WASL: variants seen among roughly 807,000 people sequenced by gnomAD.
The protein encoded by WASL is WASP like actin nucleation promoting factor, also known as actin nucleation-promoting factor WASL.
In WASL, 20 loss-of-function variants were observed where a neutral mutation model predicts 55.5. The observed-to-expected ratio is 0.36, with a 90% confidence interval of 0.25 to 0.52. The LOEUF is 0.52. Among genes scored for constraint, WASL ranks in the 20% least tolerant of loss-of-function variants. WASL has a pLI of 0.92. For missense variants in WASL, 504 were observed against 622.5 expected, an observed-to-expected ratio of 0.81 and a Z score of 2.03; for synonymous variants, 249 against 217.6, an observed-to-expected ratio of 1.14 and a Z score of -1.27.
chr7:123,735,745 A>C (rs979098312), intron 1 of WASL, among the ~76,000 whole-genome samples: 1 of 152,152 alleles, frequency 6.6e-6, no homozygotes, highest in Non-Finnish European at 1.5e-5. Context: ...AGAAACACAG[A>C]AAAGGAAAAA....
chr7:123,718,168 TTTTA>T (rs1423683028), intron 1 of WASL, among the ~76,000 whole-genome samples: 1 of 152,214 alleles, frequency 6.6e-6, no homozygotes, highest in African/African-American at 2.4e-5. Context: ...TTATGGCATT[TTTTA>T]TTTGTTGTGA....
intron 1 of WASL, among the ~76,000 whole-genome samples, chr7:123,734,674 T>A (rs1804196758): frequency 6.6e-6 from 1 of 151,188 alleles, no homozygotes; most frequent in Non-Finnish European, 1.5e-5. Context: ...GTGCAGGGTA[T>A]CTGTAGGGCA....
chr7:123,731,366 T>TA (rs1011169057), intron 1 of WASL, among the ~76,000 whole-genome samples: 41 of 152,156 alleles, frequency 2.7e-4, no homozygotes, highest in African/African-American at 9.9e-4. Flanking sequence ...CTATTTTACT[T>TA]AGAGACTTCA....
intron 6 of WASL, 108 bp downstream of exon 6, chr7:123,696,471 G>A (rs1406406761): frequency 9.4e-7 from 1 of 1,063,496 alleles, no homozygotes; most frequent in African/African-American, 1.7e-5. Flanking sequence ...AGTGATGAAT[G>A]TACACACCCT....
At position 123,692,342 on chromosome 7, in the gene WASL, C is replaced by A; in HGVS notation, c.1347+5G>T. 6.3e-7 allele frequency: 1 copy of A among 1,593,416 alleles called. No homozygotes were observed. The highest frequency in any genetic ancestry group is 8.5e-7 in the Non-Finnish European group (1 of 1,174,740). ...CTAAAATGAAAAAAAAAAAAGCTTA[C>A]TTACAGATTTTAGTTGGATACCCTG... is the stretch of plus-strand genomic sequence containing the variant. On this transcript the variant is annotated splice_donor_5th_base_variant and intron_variant, in intron 9 of 10. Coordinates refer to ENST00000223023, the MANE Select transcript of WASL (RefSeq NM_003941.4).
intron 1 of WASL, among the ~76,000 whole-genome samples, chr7:123,728,996 G>T (rs1171670042): frequency 1.3e-5 from 2 of 152,106 alleles, no homozygotes; most frequent in Non-Finnish European, 2.9e-5. Flanking sequence ...AACCTAGGAG[G>T]ATTTGGACAA....
At chr7:123,696,304 A>C (rs1479599168) in intron 6 of WASL, among the ~76,000 whole-genome samples, 2 of 151,662 alleles carry the variant, frequency 1.3e-5, no homozygotes, top group African/African-American at 4.8e-5. Flanking sequence ...AATCATTTTT[A>C]TGTTCAATAA....
At chr7:123,744,061 T>C (rs1443471965) in intron 1 of WASL, among the ~76,000 whole-genome samples, 2 of 152,244 alleles carry the variant, frequency 1.3e-5, no homozygotes, top group Non-Finnish European at 2.9e-5. Flanking sequence ...CGGTCTAAAC[T>C]TTCCACCAAC....
intron 6 of WASL, 92 bp from the exon 7 acceptor site, chr7:123,695,957 T>G: frequency 7.8e-7 from 1 of 1,281,424 alleles, no homozygotes; most frequent in Non-Finnish European, 1.1e-6. Context: ...ACATTTGGCT[T>G]TGAATTTTTG....
At chr7:123,696,776 G>T in intron 5 of WASL, 29 bp from the exon 6 acceptor site, 1 of 1,395,874 alleles carries the variant, frequency 7.2e-7, no homozygotes, top group East Asian at 2.6e-5. Flanking sequence ...TATATAAAAG[G>T]GATATAATTT....
In WASL at chr7:123,705,070, G is replaced by T. The variant is rs138380295; in HGVS notation, c.437-413C>A. Among the ~76,000 whole-genome samples, 596 of 152,260 alleles carry T rather than the reference G, an allele frequency of 3.9e-3. 6 individuals are homozygous for T. The highest frequency in any genetic ancestry group is 6.8e-3 in the Middle Eastern group (2 of 294). Reference sequence around the variant, plus strand: ...ATCTACAATTCTAAAAGTTTACTCTGGCTACTGTATAGAAAAGAGATAGTA... The same window carrying T: ...ATCTACAATTCTAAAAGTTTACTCTTGCTACTGTATAGAAAAGAGATAGTA... On this transcript the variant is annotated intron_variant, in intron 4 of 10. Transcript: ENST00000223023.
intron 1 of WASL, among the ~76,000 whole-genome samples, chr7:123,729,655 T>A (rs1804107035): frequency 6.6e-6 from 1 of 152,160 alleles, no homozygotes; most frequent in African/African-American, 2.4e-5. Context: ...AAATAAGTCT[T>A]CCTACAGATA....
intron 1 of WASL, among the ~76,000 whole-genome samples, chr7:123,742,563 A>G (rs896055732): frequency 2.0e-5 from 3 of 152,192 alleles, no homozygotes; most frequent in Non-Finnish European, 2.9e-5. Context: ...TCACTAATAC[A>G]ATTTCATCCA....
chr7:123,723,890 A>G (rs1021503916), intron 1 of WASL, among the ~76,000 whole-genome samples: 3 of 152,236 alleles, frequency 2.0e-5, no homozygotes, highest in Admixed American at 1.3e-4. Context: ...TGTACAAAAG[A>G]AGCTTAGCTA....
chr7:123,715,802 G>A (rs948344879), intron 1 of WASL, among the ~76,000 whole-genome samples: 1 of 152,180 alleles, frequency 6.6e-6, no homozygotes, highest in Non-Finnish European at 1.5e-5. Context: ...AAAGTATTAT[G>A]TGGCACAGAC....
intron 5 of WASL, among the ~76,000 whole-genome samples, chr7:123,698,161 T>C (rs1273596645): frequency 2.0e-5 from 3 of 152,136 alleles, no homozygotes; most frequent in African/African-American, 7.2e-5. Context: ...TACAGCTATA[T>C]ATTAAGTCCT....
At position 123,692,532 on chromosome 7, in the gene WASL, G is replaced by A. The variant is rs754875162; in HGVS notation, c.1162C>T (p.Pro388Ser). 2 of 1,613,998 alleles carry A rather than the reference G, an allele frequency of 1.2e-6. No homozygotes were observed. Among genetic ancestry groups the A allele is most frequent in the Non-Finnish European group, 1.7e-6 (2 of 1,180,028 alleles). Residue 388 changes from proline (P) to serine (S), a missense_variant, in exon 9 of 11, where the codon CCG (proline) becomes TCG (serine). Physicochemically the swap from Pro to Ser is moderately conservative, Grantham distance 74. Around this residue, in one of 5 missense-constraint regions of WASL, gnomAD observed 201 missense variants for 206.2 expected, o/e 0.97. Transcript: ENST00000223023. ...PPPPPPGPPP[P>S]PGLPSDGDHQ... ...TCCCCATCAGAAGGCAGGCCAGGCG[G>A]GGGCGGTGGCCCAGGAGGAGGTGGA...
chr7:123,722,469 A>G (rs905478152), intron 1 of WASL, among the ~76,000 whole-genome samples: 3 of 152,190 alleles, frequency 2.0e-5, no homozygotes, highest in Non-Finnish European at 4.4e-5. Context: ...TAGATGATTA[A>G]AAGAAGGTCT....
chr7:123,748,556 GCCC>G, intron 1 of WASL, 59 bp downstream of exon 1: 1 of 1,566,714 alleles, frequency 6.4e-7, no homozygotes, highest in Non-Finnish European at 8.8e-7. Context: ...CCACTTCCCG[GCCC>G]CCAAGCCCGG....
Sources: gnomAD v4.1 joint callset for allele counts (sites outside exome capture counted in the v4.1 genomes callset) on GRCh38, gnomAD v4.1.1 for gene constraint, gnomAD v4.1.1 regional missense constraint, MANE v1.5 for transcripts, NCBI Gene and HGNC (gene_info 2026-07-23, HGNC 2026-07-21) for gene names.